RGS3: variants seen among roughly 807,000 people sequenced by gnomAD.
RGS3 encodes regulator of G protein signaling 3.
In RGS3, 80 loss-of-function variants were observed where a neutral mutation model predicts 132.6. The ratio of observed to expected loss-of-function variants is 0.60; its 90% CI spans 0.50 to 0.73. RGS3 has a LOEUF of 0.73. RGS3 is among the 30% of genes least tolerant of loss of function. The pLI, the probability that RGS3 is intolerant of heterozygous loss-of-function variation, is 0.00. For missense variants in RGS3, 1,382 were observed against 1,530.8 expected (o/e 0.90, Z 1.62); for synonymous variants, 598 against 620.6 (o/e 0.96, Z 0.54).
intron 20 of RGS3, among the ~76,000 whole-genome samples, chr9:113,590,481 CATCT>C (rs1415469172): frequency 6.7e-6 from 1 of 149,560 alleles, no homozygotes; most frequent in African/African-American, 2.5e-5. Context: ...CCCATCCATC[CATCT>C]ATCCACCCAC....
chr9:113,506,338 G>A lies in RGS3; in HGVS notation c.980-50G>A, dbSNP rs1285850379. On this transcript the variant is annotated intron_variant, in intron 11 of 24. Transcript: ENST00000350696. The surrounding 1 kb of genome is among the most constrained non-coding windows in gnomAD (Gnocchi z 4.7). ...AGCAAAGGACTCCAGATCCTTTGAA[G>A]GGGTCTTAGGCTTCAGGGGCCCCTG... The A allele has an allele frequency of 1.7e-6, 2 of 1,182,002 alleles. No homozygotes were observed. Among genetic ancestry groups the A allele is most frequent in the East Asian group, 2.5e-5 (1 of 39,814 alleles). 73.2% of individuals were successfully genotyped at this position (1,182,002 alleles called of 1,614,324 possible). A position where few individuals can be genotyped will look rare whatever the true frequency, so the allele number is the denominator to read the frequency against.
At chr9:113,474,969 C>CAGTA (rs755287938) in intron 3 of RGS3, among the ~76,000 whole-genome samples, 29 of 152,310 alleles carry the variant, frequency 1.9e-4, no homozygotes, top group Admixed American at 4.6e-4. Context: ...CTGTGGTTCT[C>CAGTA]TACTGAGTAT....
chr9:113,508,392 C>G, intron 13 of RGS3, 149 bp from the exon 12 acceptor site: 1 of 731,780 alleles, frequency 1.4e-6, no homozygotes, highest in Non-Finnish European at 2.4e-6. Flanking sequence ...CCAGCCTCCT[C>G]CCTCAGCTGG....
At chr9:113,519,065 A>G (rs1183943116) in intron 16 of RGS3, among the ~76,000 whole-genome samples, 2 of 152,158 alleles carry the variant, frequency 1.3e-5, no homozygotes, top group Admixed American at 1.3e-4. Context: ...CTCATTGTGT[A>G]TGCATTTTAC....
intron 4 of RGS3, among the ~76,000 whole-genome samples, chr9:113,482,046 C>CAA (rs1234435107): frequency 5.3e-5 from 5 of 95,024 alleles, no homozygotes; most frequent in Non-Finnish European, 6.4e-5. Context: ...AACTCCATCT[C>CAA]AAAAAAAAAA....
intron 1 of RGS3, among the ~76,000 whole-genome samples, chr9:113,446,049 C>T (rs904826361): frequency 6.6e-6 from 1 of 152,168 alleles, no homozygotes; most frequent in African/African-American, 2.4e-5. Flanking sequence ...GACACAGTGA[C>T]ACTTAAAAAA....
chr9:113,482,995 C>G (rs1250688471), intron 4 of RGS3, 64 bp from the exon 3 acceptor site: 7 of 1,610,828 alleles, frequency 4.3e-6, no homozygotes, highest in Non-Finnish European at 5.9e-6. Flanking sequence ...GTGTGTCTCT[C>G]TTTCTCGCTG....
intron 4 of RGS3, among the ~76,000 whole-genome samples, chr9:113,481,070 C>G (rs1349370241): frequency 2.6e-5 from 4 of 152,168 alleles, no homozygotes; most frequent in Admixed American, 2.0e-4. Context: ...TGTTTTGAAC[C>G]CCTTTTGAAA....
At chr9:113,542,402 A>G (rs1205641587) in intron 19 of RGS3, among the ~76,000 whole-genome samples, 1 of 152,184 alleles carries the variant, frequency 6.6e-6, no homozygotes, top group Non-Finnish European at 1.5e-5. Context: ...AGTTGCAAGT[A>G]CATTTTTACA....
chr9:113,504,685 A>G (rs1045735257), intron 10 of RGS3, among the ~76,000 whole-genome samples: 2 of 152,254 alleles, frequency 1.3e-5, no homozygotes, highest in African/African-American at 2.4e-5. Context: ...TAGGAGCTCA[A>G]TAATTGTGTG....
intron 14 of RGS3, 62 bp downstream of exon 12, chr9:113,508,642 C>G (rs1159246828): frequency 6.4e-7 from 1 of 1,556,712 alleles, no homozygotes; most frequent in Middle Eastern, 1.7e-4. Context: ...TCAGCTGAGG[C>G]CTGGCCCAGC....
chr9:113,594,542 C>T lies in RGS3; in HGVS notation c.3182+11C>T. The T allele has an allele frequency of 6.2e-7, 1 of 1,608,280 alleles. No homozygotes were observed. The highest frequency in any genetic ancestry group is 8.5e-7 in the Non-Finnish European group (1 of 1,175,654). On this transcript the variant is annotated intron_variant, in intron 22 of 24. Coordinates refer to ENST00000350696, the Ensembl canonical transcript of RGS3. ...GATGAAGTCATTCAAGTAGGTCCTC[C>T]CTGGCACCCTGGGACCCTTTGGGGA...
Position 113,522,946 on chromosome 9 carries a change from A to T in RGS3, c.1775A>T (p.Tyr592Phe), listed in dbSNP as rs764627350. 3 of 1,613,608 alleles carry T rather than the reference A, an allele frequency of 1.9e-6. No individual in the cohort carries two copies. In the Admixed American group the frequency reaches 5.0e-5, roughly 27 times the overall value. Residue 592 changes from tyrosine to phenylalanine, a missense_variant, in exon 17 of 25, where the codon TAT becomes TTT. Transcript: ENST00000350696. ...TCAACCCAGGTGACACTGTTTGCCT[A>T]TTCGGACCTGCTGCTCTTCACCAAG...
Position 113,485,607 on chromosome 9 carries a change from G to C in RGS3, c.621-18G>C, listed in dbSNP as rs1347416243. On this transcript the variant is annotated intron_variant, in intron 6 of 24. Coordinates refer to ENST00000350696, the Ensembl canonical transcript of RGS3. ...CTCAGCCCTTACTAACACTCCGATG[G>C]TCTGATTGATTTCGCAGTCCTGTCC... The C allele has an allele frequency of 6.3e-7, 1 of 1,585,844 alleles. No individual in the cohort carries two copies. The highest frequency in any genetic ancestry group is 2.3e-5 in the East Asian group (1 of 44,256).
rs1168814731 is a variant in RGS3, at chr9:113,541,306, G to A, written c.2037+4388G>A. Reference sequence around the variant, plus strand: ...TAGACAGCGAGCTAATTCCAGTTCTGTCTGGTTCCACAGAAACTCCACCCT... The same window carrying A: ...TAGACAGCGAGCTAATTCCAGTTCTATCTGGTTCCACAGAAACTCCACCCT... On this transcript the variant is annotated intron_variant, in intron 19 of 24. Coordinates refer to ENST00000350696, the Ensembl canonical transcript of RGS3. 3.1e-6 allele frequency: 5 copies of A among 1,611,858 alleles called. No individual in the cohort carries two copies. In the African/African-American group the frequency reaches 4.0e-5, roughly 13 times the overall value.
intron 3 of RGS3, among the ~76,000 whole-genome samples, chr9:113,476,847 G>A (rs1481599985): frequency 6.6e-6 from 1 of 152,258 alleles, no homozygotes. Flanking sequence ...AAGGGCCACT[G>A]TTAGTTAGGT....
At chr9:113,581,388 A>G (rs1376933827) in intron 19 of RGS3, 1 of 152,166 alleles carries the variant, frequency 6.6e-6, no homozygotes, top group Non-Finnish European at 1.5e-5. Flanking sequence ...TCCAGATGAG[A>G]ATTCTGGACT....
In RGS3 at chr9:113,579,275, T is replaced by C. The variant is rs1834678860; in HGVS notation, c.2038-4175T>C. On this transcript the variant is annotated intron_variant, in intron 19 of 24. Transcript: ENST00000350696. The surrounding 1 kb of genome is among the most constrained non-coding windows in gnomAD (Gnocchi z 4.3). Reference sequence around the variant, plus strand: ...CCCTCAACCCAACATCCGGTGGGCATCTGGGGCCCAGGAGCCAAAGCTGGT... The same window carrying C: ...CCCTCAACCCAACATCCGGTGGGCACCTGGGGCCCAGGAGCCAAAGCTGGT... Among the ~76,000 whole-genome samples the C allele has an allele frequency of 1.3e-5, 2 of 152,206 alleles. No homozygotes were observed. Among genetic ancestry groups the C allele is most frequent in the Admixed American group, 1.3e-4 (2 of 15,286 alleles).
rs1829538297 is a variant in RGS3, at chr9:113,463,804, T to C, written c.415+1603T>C. The stretch of plus-strand genomic sequence containing the variant: ...CTGTCCGGGTCGCAGTGGGACGCCA[T>C]GGAGCGCTCCCTGCACCGCGTCTCC... On this transcript the variant is annotated intron_variant, in intron 3 of 24. Coordinates refer to ENST00000350696, the Ensembl canonical transcript of RGS3. The surrounding 1 kb of genome is among the most constrained non-coding windows in gnomAD (Gnocchi z 4.6). The C allele has an allele frequency of 6.2e-7, 1 of 1,610,724 alleles. No homozygotes were observed. Among genetic ancestry groups the C allele is most frequent in the Non-Finnish European group, 8.5e-7 (1 of 1,178,894 alleles).
Sources: allele counts gnomAD v4.1 joint callset (sites outside exome capture counted in the v4.1 genomes callset), GRCh38; gene constraint gnomAD v4.1.1; non-coding constraint Gnocchi (gnomAD v3.1); transcripts MANE v1.5; gene names NCBI Gene and HGNC (gene_info 2026-07-23, HGNC 2026-07-21).